Variants in STK39 observed in about 807,000 individuals in gnomAD.
The protein encoded by STK39 is STE20/SPS1-related proline-alanine-rich protein kinase.
A neutral mutation model predicts 77.8 loss-of-function variants in STK39; 20 were observed. The observed-to-expected ratio is 0.26, with a 90% CI of 0.18 to 0.37. The LOEUF is 0.37. Ranked by LOEUF, STK39 falls within the 10% of genes least tolerant of loss-of-function variation. STK39 has a pLI of 1.00. For missense variants in STK39, 479 were observed against 656.5 expected (o/e 0.73, Z 2.95); for synonymous variants, 246 against 234.1 (o/e 1.05, Z -0.47).
chr2:168,128,507 C>T (rs1030308378), intron 10 of STK39, among the ~76,000 whole-genome samples: 7 of 152,296 alleles, frequency 4.6e-5, no homozygotes, highest in African/African-American at 1.7e-4. Context: ...CATCAATCCT[C>T]CCCAGCCACA....
At chr2:168,202,615 A>T (rs1659173089) in intron 1 of STK39, among the ~76,000 whole-genome samples, 1 of 152,172 alleles carries the variant, frequency 6.6e-6, no homozygotes, top group African/African-American at 2.4e-5. Flanking sequence ...ATGGTTGGTC[A>T]TGATGCTCTG....
chr2:168,237,213 G>A lies in STK39; in HGVS notation c.208+10015C>T, dbSNP rs1399900778. On this transcript the variant is annotated intron_variant, in intron 1 of 17. Coordinates refer to ENST00000355999, the MANE Select transcript of STK39 (RefSeq NM_013233.3). Reference sequence around the variant, plus strand: ...TTTTATTCTCTTTGAAGCAATTGTGGATGGAGTTCACTCATGATTTGGCTC... The same window carrying A: ...TTTTATTCTCTTTGAAGCAATTGTGAATGGAGTTCACTCATGATTTGGCTC... 5.3e-5 allele frequency among the ~76,000 whole-genome samples: 8 copies of A among 152,126 alleles called. No homozygotes were observed. In the East Asian group the frequency reaches 5.8e-4, roughly 11 times the overall value.
At chr2:168,227,067 GA>G (rs1454696624) in intron 1 of STK39, among the ~76,000 whole-genome samples, 2 of 152,056 alleles carry the variant, frequency 1.3e-5, no homozygotes, top group Non-Finnish European at 2.9e-5. Context: ...AAAATATACA[GA>G]AGTAAAATAC....
intron 16 of STK39, among the ~76,000 whole-genome samples, chr2:167,999,679 GTC>G (rs1683944876): frequency 6.6e-6 from 1 of 152,020 alleles, no homozygotes; most frequent in Non-Finnish European, 1.5e-5. Flanking sequence ...AGCCAGGATG[GTC>G]TCGATTTCCT....
intron 10 of STK39, among the ~76,000 whole-genome samples, chr2:168,108,484 A>G (rs1248847799): frequency 6.6e-6 from 1 of 151,960 alleles, no homozygotes; most frequent in African/African-American, 2.4e-5. Flanking sequence ...GGAGGTCAAG[A>G]GTGCAGTGAG....
At chr2:168,214,171 C>T (rs1449523826) in intron 1 of STK39, among the ~76,000 whole-genome samples, 2 of 151,876 alleles carry the variant, frequency 1.3e-5, no homozygotes, top group Non-Finnish European at 2.9e-5. Flanking sequence ...CAAGCCTCAT[C>T]TGCAGAACAG....
At chr2:168,195,815 A>G (rs970841366) in intron 1 of STK39, among the ~76,000 whole-genome samples, 4 of 152,170 alleles carry the variant, frequency 2.6e-5, no homozygotes, top group African/African-American at 9.7e-5. Context: ...TCAAGAGTTC[A>G]AGACCAGCCT....
chr2:168,075,731 C>T (rs1307312630), intron 10 of STK39, among the ~76,000 whole-genome samples: 3 of 151,836 alleles, frequency 2.0e-5, no homozygotes, highest in African/African-American at 7.3e-5. Context: ...CTATTGCCAC[C>T]TCACTCTCTT....
chr2:168,154,804 C>G (rs1688382378), intron 5 of STK39, among the ~76,000 whole-genome samples: 1 of 152,142 alleles, frequency 6.6e-6, no homozygotes, highest in Non-Finnish European at 1.5e-5. Context: ...AAATACCTGT[C>G]AACTAACCAC....
At chr2:168,055,427 A>C (rs1346736674) in intron 14 of STK39, among the ~76,000 whole-genome samples, 9 of 152,258 alleles carry the variant, frequency 5.9e-5, no homozygotes, top group Admixed American at 5.9e-4. Context: ...AGTATGCAAC[A>C]ATTGTCATGC....
intron 17 of STK39, among the ~76,000 whole-genome samples, chr2:167,961,961 C>G (rs1691972715): frequency 6.6e-6 from 1 of 152,208 alleles, no homozygotes; most frequent in Middle Eastern, 3.2e-3. Flanking sequence ...GGTCTAGACT[C>G]AAAGCCCATG....
chr2:168,099,305 G>A (rs1443093401), intron 10 of STK39, among the ~76,000 whole-genome samples: 1 of 152,238 alleles, frequency 6.6e-6, no homozygotes, highest in African/African-American at 2.4e-5. Context: ...ACATCAGAGT[G>A]TTTCTTAACA....
chr2:168,175,392 T>G (rs1688932334), intron 2 of STK39, among the ~76,000 whole-genome samples: 1 of 152,116 alleles, frequency 6.6e-6, no homozygotes, highest in Non-Finnish European at 1.5e-5. Context: ...AACATAAGTG[T>G]TTTTGCAATG....
At chr2:168,013,733 C>T (rs879894268) in intron 15 of STK39, among the ~76,000 whole-genome samples, 8 of 151,970 alleles carry the variant, frequency 5.3e-5, no homozygotes, top group Admixed American at 2.0e-4. Context: ...CTGCCCTAAC[C>T]ATAAACTGCA....
chr2:168,028,499 T>C (rs1026117), intron 14 of STK39, among the ~76,000 whole-genome samples: 116,082 of 152,100 alleles, frequency 0.76, 44,436 homozygotes, highest in African/African-American at 0.78. Flanking sequence ...TTATTTTCAC[T>C]TATGGGGCAA....
chr2:168,202,799 A>G (rs1461769204), intron 1 of STK39, among the ~76,000 whole-genome samples: 1 of 152,206 alleles, frequency 6.6e-6, no homozygotes, highest in Non-Finnish European at 1.5e-5. Context: ...TAAAACAATA[A>G]ATTTTAAAAG....
chr2:167,973,958 G>C (rs1683189321), intron 16 of STK39, among the ~76,000 whole-genome samples: 1 of 152,088 alleles, frequency 6.6e-6, no homozygotes, highest in African/African-American at 2.4e-5. Context: ...GGTTATAAAA[G>C]GTTTATGAGA....
intron 10 of STK39, among the ~76,000 whole-genome samples, chr2:168,111,993 T>C (rs1265240469): frequency 6.6e-6 from 1 of 152,150 alleles, no homozygotes; most frequent in African/African-American, 2.4e-5. Flanking sequence ...ACTCAGCAAC[T>C]ATTTTGGCAT....
At chr2:168,217,814 A>C (rs1690064180) in intron 1 of STK39, among the ~76,000 whole-genome samples, 1 of 152,210 alleles carries the variant, frequency 6.6e-6, no homozygotes, top group African/African-American at 2.4e-5. Context: ...ATCTACATTT[A>C]ACTGAATCCA....
Sources: allele counts gnomAD v4.1 joint callset (sites outside exome capture counted in the v4.1 genomes callset), GRCh38; gene constraint gnomAD v4.1.1; transcripts MANE v1.5; gene names NCBI Gene and HGNC (gene_info 2026-07-23, HGNC 2026-07-21).